Variants in MAGI1 observed in about 807,000 individuals in gnomAD.
MAGI1 encodes the protein membrane associated guanylate kinase, WW and PDZ domain containing 1.
A neutral mutation model predicts 139.9 loss-of-function variants in MAGI1; 58 were observed. The observed-to-expected ratio is 0.41, with a 90% CI of 0.34 to 0.52. The LOEUF is 0.52. Among genes scored for constraint, MAGI1 ranks in the 20% least tolerant of loss-of-function variants. The pLI is 0.12. For synonymous variants in MAGI1, 812 were observed against 737.9 expected, an observed-to-expected ratio of 1.10 and a Z score of -1.63; for missense variants, 1,874 against 1,901.6, an observed-to-expected ratio of 0.99 and a Z score of 0.27.
intron 1 of MAGI1, among the ~76,000 whole-genome samples, chr3:65,985,056 C>T (rs1040745792): frequency 1.3e-5 from 2 of 152,318 alleles, no homozygotes; most frequent in African/African-American, 4.8e-5. Flanking sequence ...GTACTGATGT[C>T]AACCCCAGTG....
intron 1 of MAGI1, among the ~76,000 whole-genome samples, chr3:66,000,297 A>C (rs2066676460): frequency 1.3e-5 from 2 of 151,936 alleles, no homozygotes; most frequent in African/African-American, 4.8e-5. Flanking sequence ...TTAATGATAA[A>C]ACAGCTTGAC....
chr3:65,974,354 G>T (rs1303603279), intron 1 of MAGI1, among the ~76,000 whole-genome samples: 1 of 135,740 alleles, frequency 7.4e-6, no homozygotes, highest in Non-Finnish European at 1.6e-5. Flanking sequence ...GGGAGGAGTG[G>T]ATGGATGGAT....
At chr3:65,653,247 C>G (rs1418421003) in intron 1 of MAGI1, among the ~76,000 whole-genome samples, 1 of 152,152 alleles carries the variant, frequency 6.6e-6, no homozygotes, top group Non-Finnish European at 1.5e-5. Flanking sequence ...TCCTGTACAG[C>G]TCTTGAATGA....
intron 1 of MAGI1, among the ~76,000 whole-genome samples, chr3:65,738,652 G>A (rs1195943139): frequency 6.6e-6 from 1 of 152,198 alleles, no homozygotes; most frequent in African/African-American, 2.4e-5. Flanking sequence ...GGCTGCAGAA[G>A]GGATGCTGTG....
chr3:65,839,467 G>A (rs1273309991), intron 1 of MAGI1, among the ~76,000 whole-genome samples: 1 of 151,894 alleles, frequency 6.6e-6, no homozygotes, highest in East Asian at 1.9e-4. Context: ...CATTCCAGAA[G>A]AGGACATTGT....
intron 13 of MAGI1, among the ~76,000 whole-genome samples, chr3:65,395,045 C>A (rs1210969585): frequency 6.6e-6 from 1 of 152,106 alleles, no homozygotes; most frequent in African/African-American, 2.4e-5. Flanking sequence ...ACCTAGTACA[C>A]AAATGATATA....
chr3:65,799,545 T>C (rs1343838587), intron 1 of MAGI1, among the ~76,000 whole-genome samples: 1 of 152,230 alleles, frequency 6.6e-6, no homozygotes, highest in Non-Finnish European at 1.5e-5. Flanking sequence ...ATCTCATTAC[T>C]GTGCCTAGTT....
At chr3:65,806,933 TTGA>T (rs887262669) in intron 1 of MAGI1, among the ~76,000 whole-genome samples, 1 of 152,194 alleles carries the variant, frequency 6.6e-6, no homozygotes, top group Non-Finnish European at 1.5e-5. Flanking sequence ...GATGACATAG[TTGA>T]TGATGATAAC....
intron 1 of MAGI1, among the ~76,000 whole-genome samples, chr3:65,747,849 A>T (rs537579873): frequency 6.6e-6 from 1 of 152,210 alleles, no homozygotes; most frequent in East Asian, 1.9e-4. Flanking sequence ...AAGAATGTCA[A>T]GACCAAAAAG....
At chr3:65,645,173 A>G (rs1035814469) in intron 1 of MAGI1, among the ~76,000 whole-genome samples, 3 of 152,076 alleles carry the variant, frequency 2.0e-5, no homozygotes, top group African/African-American at 7.2e-5. Flanking sequence ...ACATTTCTTA[A>G]AGTTAGCAAA....
At chr3:65,684,695 T>C (rs2087869672) in intron 1 of MAGI1, among the ~76,000 whole-genome samples, 1 of 151,848 alleles carries the variant, frequency 6.6e-6, no homozygotes, top group African/African-American at 2.4e-5. Flanking sequence ...CTACACTTGG[T>C]AGGATTTTTT....
intron 2 of MAGI1, among the ~76,000 whole-genome samples, chr3:65,575,978 A>G (rs2081158344): frequency 6.6e-6 from 1 of 152,142 alleles, no homozygotes; most frequent in Non-Finnish European, 1.5e-5. Flanking sequence ...TCGTTTTCTT[A>G]ATTGTGGTGC....
At chr3:65,620,866 A>G (rs2083631598) in intron 2 of MAGI1, among the ~76,000 whole-genome samples, 1 of 152,194 alleles carries the variant, frequency 6.6e-6, no homozygotes. Flanking sequence ...CTATTCTAGA[A>G]TCTGATCTGT....
At chr3:65,722,758 GAAC>G (rs1231372359) in intron 1 of MAGI1, among the ~76,000 whole-genome samples, 1 of 149,982 alleles carries the variant, frequency 6.7e-6, no homozygotes, top group Non-Finnish European at 1.5e-5. Context: ...AAGAAATTAT[GAAC>G]AACGTTAGCA....
intron 1 of MAGI1, among the ~76,000 whole-genome samples, chr3:65,641,699 G>C (rs200296205): frequency 2.0e-5 from 3 of 152,140 alleles, no homozygotes; most frequent in Non-Finnish European, 4.4e-5. Flanking sequence ...CACCCTCTTA[G>C]AGTCACAGCC....
chr3:65,371,177 T>C (rs1469768996), intron 18 of MAGI1, among the ~76,000 whole-genome samples: 1 of 152,248 alleles, frequency 6.6e-6, no homozygotes, highest in Admixed American at 6.5e-5. Context: ...GTTAGTCTGT[T>C]TGATATCTTT....
intron 3 of MAGI1, among the ~76,000 whole-genome samples, chr3:65,490,678 T>G (rs1329199848): frequency 6.6e-6 from 1 of 151,554 alleles, no homozygotes; most frequent in African/African-American, 2.4e-5. Flanking sequence ...ACCCTGTCTC[T>G]ACTAAAATAT....
chr3:65,804,227 A>C lies in MAGI1; in HGVS notation c.314-182139T>G, dbSNP rs142053335. On this transcript the variant is annotated intron_variant, in intron 1 of 22. Coordinates refer to ENST00000402939, the MANE Select transcript of MAGI1 (RefSeq NM_001033057.2). ...ACAAGCCACAAATAAGAACATTCTA[A>C]AGAATTAACCATTTTGCAAAACAGA... Among the ~76,000 whole-genome samples the C allele has an allele frequency of 3.8e-3, 584 of 152,208 alleles. 10 individuals are homozygous for C. Among genetic ancestry groups the C allele is most frequent in the Admixed American group, 0.03 (456 of 15,270 alleles).
chr3:65,603,843 C>T (rs2082601846), intron 2 of MAGI1, among the ~76,000 whole-genome samples: 2 of 152,272 alleles, frequency 1.3e-5, no homozygotes, highest in South Asian at 2.1e-4. Context: ...CAGCATCCCC[C>T]AGAAGGGTAA....
Sources: gnomAD v4.1 joint callset for allele counts (sites outside exome capture counted in the v4.1 genomes callset) on GRCh38, gnomAD v4.1.1 for gene constraint, MANE v1.5 for transcripts, NCBI Gene and HGNC (gene_info 2026-07-23, HGNC 2026-07-21) for gene names.